Variants in FOXP2 observed in about 807,000 individuals in gnomAD.
The protein encoded by FOXP2 is forkhead box P2.
Under a neutral mutation model 115.8 loss-of-function variants are expected in FOXP2, and 12 were observed. The ratio of observed to expected loss-of-function variants is 0.10; its 90% CI spans 0.07 to 0.17. The LOEUF is 0.17. Among genes scored for constraint, FOXP2 ranks in the 10% least tolerant of loss-of-function variants. The pLI is 1.00. For missense variants in FOXP2, 629 were observed against 843.5 expected (o/e 0.75, Z 3.15); for synonymous variants, 328 against 297.7 (o/e 1.10, Z -1.05).
At chr7:114,244,486 G>T (rs2129168173) in intron 1 of FOXP2, among the ~76,000 whole-genome samples, 1 of 152,032 alleles carries the variant, frequency 6.6e-6, no homozygotes, top group Non-Finnish European at 1.5e-5. Context: ...CACATTTTTG[G>T]TTTTCATTCT....
chr7:114,186,815 A>G (rs1159612475), intron 1 of FOXP2, among the ~76,000 whole-genome samples: 1 of 152,126 alleles, frequency 6.6e-6, no homozygotes, highest in Non-Finnish European at 1.5e-5. Context: ...GACACTGCCA[A>G]GGTTTATCGT....
At chr7:114,243,345 A>G (rs1795200721) in intron 1 of FOXP2, among the ~76,000 whole-genome samples, 1 of 152,008 alleles carries the variant, frequency 6.6e-6, no homozygotes, top group Admixed American at 6.6e-5. Flanking sequence ...GCACCCAATC[A>G]GGGACTAGAC....
At chr7:114,536,392 CTTTTCTT>C (rs1799395336) in intron 3 of FOXP2, among the ~76,000 whole-genome samples, 1 of 96,112 alleles carries the variant, frequency 1.0e-5, no homozygotes, top group Non-Finnish European at 2.1e-5. Context: ...TTTAGTTTTT[CTTTTCTT>C]TTTTTTTTTT....
chr7:114,309,279 G>A (rs148157716), intron 2 of FOXP2, among the ~76,000 whole-genome samples: 25 of 152,286 alleles, frequency 1.6e-4, no homozygotes, highest in Non-Finnish European at 2.9e-4. Flanking sequence ...CTGAAGCTCA[G>A]GAAACTGGTT....
chr7:114,411,991 G>T (rs1196734199), upstream of FOXP2, among the ~76,000 whole-genome samples: 1 of 152,134 alleles, frequency 6.6e-6, no homozygotes, highest in Non-Finnish European at 1.5e-5. Flanking sequence ...GCCTTGAAAT[G>T]TGCTTGTTTT....
chr7:114,667,502 T>C (rs1245433290), intron 16 of FOXP2: 6 of 152,138 alleles, frequency 3.9e-5, no homozygotes. Flanking sequence ...TATTTAGGTA[T>C]CTGAAGTTAC....
chr7:114,632,036 G>T (rs1265868307), intron 6 of FOXP2, among the ~76,000 whole-genome samples: 1 of 152,176 alleles, frequency 6.6e-6, no homozygotes, highest in Non-Finnish European at 1.5e-5. Context: ...TGGATTACCG[G>T]GAAGGCTGAC....
intron 3 of FOXP2, among the ~76,000 whole-genome samples, chr7:114,573,009 C>T (rs2129297027): frequency 6.6e-6 from 1 of 151,884 alleles, no homozygotes; most frequent in South Asian, 2.1e-4. Context: ...TTCCATGTGT[C>T]TGAGACTGCA....
chr7:114,661,324 A>C (rs1198628694), intron 13 of FOXP2, among the ~76,000 whole-genome samples: 1 of 152,038 alleles, frequency 6.6e-6, no homozygotes, highest in Non-Finnish European at 1.5e-5. Context: ...GGAATGACTT[A>C]ATTTGATTTA....
chr7:114,577,135 T>C (rs1403110914), intron 3 of FOXP2, among the ~76,000 whole-genome samples: 1 of 152,004 alleles, frequency 6.6e-6, no homozygotes, highest in East Asian at 1.9e-4. Flanking sequence ...ACCAAATGTT[T>C]ATAACTGGCA....
chr7:114,244,646 A>T (rs546316307), intron 1 of FOXP2, among the ~76,000 whole-genome samples: 1 of 152,120 alleles, frequency 6.6e-6, no homozygotes, highest in African/African-American at 2.4e-5. Flanking sequence ...CTATTTATCA[A>T]TTGGTTTTAT....
At chr7:114,151,138 T>C (rs769011563) in intron 1 of FOXP2, among the ~76,000 whole-genome samples, 30 of 152,054 alleles carry the variant, frequency 2.0e-4, no homozygotes, top group Non-Finnish European at 4.1e-4. Context: ...ACGGGAAAAA[T>C]GTAAACCAGT....
intron 2 of FOXP2, among the ~76,000 whole-genome samples, chr7:114,331,707 G>A (rs896738980): frequency 1.0e-4 from 15 of 148,384 alleles, no homozygotes; most frequent in African/African-American, 2.7e-4. Flanking sequence ...TCACTCTGTC[G>A]CCCAGGCTGG....
rs1434184926 is a variant in FOXP2 at position 114,426,499 on chromosome 7, T to A, written c.-10-3T>A. The A allele has an allele frequency of 6.2e-7, 1 of 1,609,494 alleles. No individual in the cohort carries two copies. The highest frequency in any genetic ancestry group is 1.3e-5 in the African/African-American group (1 of 74,662). ...TTAATTGATACTTCTTAATCACTTT[T>A]AGGTATTAAGTCATGATGCAGGAAT... On this transcript the variant is annotated splice_region_variant and splice_polypyrimidine_tract_variant and intron_variant, in intron 1 of 16. Coordinates refer to ENST00000350908, the MANE Select transcript of FOXP2 (RefSeq NM_014491.4).
At chr7:114,272,470 A>T (rs541064689) in intron 1 of FOXP2, among the ~76,000 whole-genome samples, 1 of 151,952 alleles carries the variant, frequency 6.6e-6, no homozygotes, top group Admixed American at 6.6e-5. Flanking sequence ...TTTCTTCCTT[A>T]AAAGTTTGGT....
intron 1 of FOXP2, among the ~76,000 whole-genome samples, chr7:114,285,048 G>T (rs1015018610): frequency 6.6e-6 from 1 of 152,054 alleles, no homozygotes; most frequent in African/African-American, 2.4e-5. Context: ...GTGGGAGGAG[G>T]GGGAGGATTA....
intron 2 of FOXP2, among the ~76,000 whole-genome samples, chr7:114,318,988 T>C (rs1003417299): frequency 5.9e-5 from 9 of 152,128 alleles, no homozygotes; most frequent in African/African-American, 2.2e-4. Context: ...TAGAATAAAA[T>C]AGTAATTTTG....
intron 3 of FOXP2, among the ~76,000 whole-genome samples, chr7:114,617,569 G>A (rs1391367588): frequency 1.6e-4 from 25 of 152,202 alleles, no homozygotes; most frequent in Admixed American, 1.6e-3. Flanking sequence ...GGAGGCGGGT[G>A]GATCACCTGA....
intron 1 of FOXP2, among the ~76,000 whole-genome samples, chr7:114,102,073 A>AT (rs1562964641): frequency 6.6e-6 from 1 of 151,734 alleles, no homozygotes; most frequent in African/African-American, 2.4e-5. Flanking sequence ...GTGTCCTTAA[A>AT]TTTTTTGTTT....
Sources: gnomAD v4.1 joint callset for allele counts (sites outside exome capture counted in the v4.1 genomes callset) on GRCh38, gnomAD v4.1.1 for gene constraint, MANE v1.5 for transcripts, NCBI Gene and HGNC (gene_info 2026-07-23, HGNC 2026-07-21) for gene names.